The following HLCS variants were observed in gnomAD, a reference collection of about 807,000 sequenced individuals.
The protein encoded by HLCS is biotin--protein ligase.
A neutral mutation model predicts 75.0 loss-of-function variants in HLCS; 53 were observed. That is an observed-to-expected ratio of 0.71 (90% CI 0.57 to 0.89). The LOEUF is 0.89. HLCS is among the 40% of genes least tolerant of loss of function. The pLI, the probability that HLCS is intolerant of heterozygous loss-of-function variation, is 0.00. For missense variants in HLCS, 966 were observed against 1,074.0 expected (o/e 0.90, Z 1.41); for synonymous variants, 431 against 428.6 (o/e 1.01, Z -0.07).
At chr21:36,900,699 G>C (rs928429708) in intron 5 of HLCS, among the ~76,000 whole-genome samples, 1 of 152,178 alleles carries the variant, frequency 6.6e-6, no homozygotes, top group African/African-American at 2.4e-5. Context: ...TGAGCTAGGA[G>C]TGAGACTACT....
intron 6 of HLCS, among the ~76,000 whole-genome samples, chr21:36,781,996 T>C (rs889567066): frequency 4.1e-5 from 1 of 24,418 alleles, no homozygotes; most frequent in Non-Finnish European, 6.6e-5. Flanking sequence ...ATCTATTAAT[T>C]TTTTTAATAT....
In HLCS at chr21:36,815,027, CTTT is replaced by C. The variant is rs1195265718; in HGVS notation, c.1893-47745_1893-47743del. Among the ~76,000 whole-genome samples, 328 of 129,110 alleles carry C rather than the reference CTTT, an allele frequency of 2.5e-3. 4 individuals carry two copies. Among genetic ancestry groups the C allele is most frequent in the African/African-American group, 8.7e-3 (303 of 34,966 alleles). 84.7% of individuals were successfully genotyped at this position (129,110 alleles called of 152,430 possible). A position where few individuals can be genotyped will look rare whatever the true frequency, so the allele number is the denominator to read the frequency against. On this transcript the variant is annotated intron_variant, in intron 6 of 10. Coordinates refer to ENST00000674895, the MANE Select transcript of HLCS (RefSeq NM_001352514.2). ...GAGGCCAGGGATCAATGAAGCTTTGCTTTTTTTTTTTTTTTTTTTGATGGAGTC... is the reference window on the plus strand; with the variant it reads ...GAGGCCAGGGATCAATGAAGCTTTGCTTTTTTTTTTTTTTTTGATGGAGTC...
intron 6 of HLCS, among the ~76,000 whole-genome samples, chr21:36,785,866 C>T (rs2060671519): frequency 6.6e-6 from 1 of 152,214 alleles, no homozygotes; most frequent in Non-Finnish European, 1.5e-5. Context: ...TTGGAAAATA[C>T]TATTTCCTCC....
chr21:36,987,365 C>T (rs2069246998), intron 1 of HLCS, among the ~76,000 whole-genome samples: 1 of 152,206 alleles, frequency 6.6e-6, no homozygotes, highest in South Asian at 2.1e-4. Context: ...GTAATCCCAG[C>T]ACTTTGTGAG....
chr21:36,938,338 C>T (rs2066988297), intron 3 of HLCS, among the ~76,000 whole-genome samples: 1 of 152,140 alleles, frequency 6.6e-6, no homozygotes, highest in African/African-American at 2.4e-5. Flanking sequence ...TTAATAAGCA[C>T]TGAAAATGTA....
chr21:36,891,969 T>C (rs938771052), intron 6 of HLCS, among the ~76,000 whole-genome samples: 1 of 152,096 alleles, frequency 6.6e-6, no homozygotes, highest in Non-Finnish European at 1.5e-5. Context: ...GGAGTTGCTA[T>C]TAAATTGGGA....
intron 6 of HLCS, among the ~76,000 whole-genome samples, chr21:36,798,096 C>A (rs1182738629): frequency 6.6e-6 from 1 of 152,128 alleles, no homozygotes; most frequent in Non-Finnish European, 1.5e-5. Flanking sequence ...TGGCAAGGAA[C>A]GATCCGGGCA....
intron 6 of HLCS, chr21:36,804,285 C>G (rs1260724835): frequency 6.6e-6 from 1 of 152,412 alleles, no homozygotes; most frequent in Non-Finnish European, 1.5e-5. Context: ...TACACTCTGC[C>G]TCACTGACAA....
intron 6 of HLCS, chr21:36,806,376 G>A (rs1490719893): frequency 6.6e-6 from 1 of 152,088 alleles, no homozygotes; most frequent in African/African-American, 2.4e-5. Context: ...ATATGACAGA[G>A]ACAAAAAGCA....
intron 6 of HLCS, among the ~76,000 whole-genome samples, chr21:36,862,330 C>T (rs2063407754): frequency 6.6e-6 from 1 of 152,194 alleles, no homozygotes; most frequent in African/African-American, 2.4e-5. Context: ...TGCTGTATCA[C>T]ATGGTTAACT....
chr21:36,820,429 C>G (rs923228909), intron 6 of HLCS, among the ~76,000 whole-genome samples: 1 of 152,232 alleles, frequency 6.6e-6, no homozygotes, highest in Non-Finnish European at 1.5e-5. Flanking sequence ...CCCCCTCCCC[C>G]ACAGGCTCAG....
At chr21:36,835,938 C>G (rs2062395967) in intron 6 of HLCS, among the ~76,000 whole-genome samples, 3 of 152,020 alleles carry the variant, frequency 2.0e-5, no homozygotes, top group Admixed American at 2.0e-4. Context: ...CAGGAGTCCC[C>G]TGGCTTAGAG....
At position 36,885,085 on chromosome 21, in the gene HLCS, T is replaced by A. The variant is rs142288661; in HGVS notation, c.1892+11775A>T. 6.9e-3 allele frequency among the ~76,000 whole-genome samples: 1,044 copies of A among 152,348 alleles called. 14 individuals carry two copies. The highest frequency in any genetic ancestry group is 0.023 in the African/African-American group (967 of 41,578). On this transcript the variant is annotated intron_variant, in intron 6 of 10. Coordinates refer to ENST00000674895, the MANE Select transcript of HLCS (RefSeq NM_001352514.2). ...AAACACAAACATGGACAACTGACTA[T>A]GTTTTCTCATCTTTCAAAAAAAGTT... is the stretch of plus-strand genomic sequence containing the variant.
chr21:36,888,435 AAAAAAAAAAAATATAT>A (rs2064570651), intron 6 of HLCS, among the ~76,000 whole-genome samples: 1 of 24,906 alleles, frequency 4.0e-5, no homozygotes, highest in African/African-American at 1.1e-4. Context: ...TCCCATTTAA[AAAAAAAAAAAATATAT>A]ATATATATAT....
intron 6 of HLCS, among the ~76,000 whole-genome samples, chr21:36,843,110 C>T (rs941672152): frequency 1.3e-5 from 2 of 152,238 alleles, no homozygotes; most frequent in South Asian, 4.1e-4. Context: ...TAATTAAACA[C>T]ATCTTGCCTC....
chr21:36,858,812 G>A (rs1451279879), intron 6 of HLCS, among the ~76,000 whole-genome samples: 1 of 152,134 alleles, frequency 6.6e-6, no homozygotes, highest in Admixed American at 6.6e-5. Flanking sequence ...TGAAGAGGAA[G>A]CCCATGCACA....
At chr21:36,954,539 C>T (rs1416449436) in intron 2 of HLCS, among the ~76,000 whole-genome samples, 1 of 150,136 alleles carries the variant, frequency 6.7e-6, no homozygotes, top group African/African-American at 2.5e-5. Flanking sequence ...TGGCGTGAAC[C>T]TGGGAGGTGG....
At chr21:36,764,879 C>T (rs1231744171) in intron 8 of HLCS, 133 bp downstream of exon 8, 3 of 978,236 alleles carry the variant, frequency 3.1e-6, no homozygotes, top group Non-Finnish European at 4.8e-6. Flanking sequence ...TCCGAGAGCA[C>T]TTTGCTGCCA....
At chr21:36,773,171 A>T (rs1291661581) in intron 6 of HLCS, among the ~76,000 whole-genome samples, 1 of 152,224 alleles carries the variant, frequency 6.6e-6, no homozygotes, top group African/African-American at 2.4e-5. Context: ...TATTAAAAAA[A>T]GATTTATTTA....
Sources: gnomAD v4.1 joint callset for allele counts (sites outside exome capture counted in the v4.1 genomes callset) on GRCh38, gnomAD v4.1.1 for gene constraint, MANE v1.5 for transcripts, NCBI Gene and HGNC (gene_info 2026-07-23, HGNC 2026-07-21) for gene names.